Variants in DACT1 observed in about 807,000 individuals in gnomAD.
DACT1 encodes dapper homolog 1.
DACT1 carries 19 observed loss-of-function variants against 35.3 expected under a neutral mutation model. The observed-to-expected ratio is 0.54, with a 90% CI of 0.38 to 0.79. The LOEUF (loss-of-function observed/expected upper bound fraction) is 0.79. DACT1 is among the 30% of genes least tolerant of loss of function. The pLI is 0.00. For missense variants in DACT1, 1,143 were observed against 1,057.5 expected (o/e 1.08, Z -1.12); for synonymous variants, 545 against 466.7 (o/e 1.17, Z -2.16).
At chr14:58,639,615 T>A (rs2047608562) in intron 1 of DACT1, among the ~76,000 whole-genome samples, 1 of 152,244 alleles carries the variant, frequency 6.6e-6, no homozygotes, top group African/African-American at 2.4e-5. Flanking sequence ...ACCAAAGTGC[T>A]TTTACTTGAT....
chr14:58,641,570 C>A (rs748475527), intron 2 of DACT1, 22 bp from the exon 3 acceptor site: 2 of 1,606,022 alleles, frequency 1.2e-6, no homozygotes, highest in Admixed American at 3.4e-5. Context: ...GATGTTAATT[C>A]CAACGGTGTT....
chr14:58,636,183 G>T (rs1793411173), upstream of DACT1, among the ~76,000 whole-genome samples: 1 of 152,178 alleles, frequency 6.6e-6, no homozygotes, highest in African/African-American at 2.4e-5. Flanking sequence ...GTGGGAGGCA[G>T]CAATGGGGAG....
intron 1 of DACT1, chr14:58,638,839 G>A (rs1302499971): frequency 1.8e-6 from 2 of 1,128,426 alleles, no homozygotes; most frequent in Non-Finnish European, 2.2e-6. Flanking sequence ...GATTCTTGGA[G>A]TCGCCTAGTT....
At chr14:58,637,475 T>A (rs1042402380), upstream of DACT1, among the ~76,000 whole-genome samples, 1 of 152,196 alleles carries the variant, frequency 6.6e-6, no homozygotes, top group Non-Finnish European at 1.5e-5. Flanking sequence ...AATACCTTGC[T>A]TGGGAAGTGA....
In DACT1 at chr14:58,638,016, C is replaced by A; in HGVS notation, c.-187C>A. 2.2e-6 allele frequency: 1 copy of A among 462,310 alleles called. No homozygotes were observed. Among genetic ancestry groups the A allele is most frequent in the Non-Finnish European group, 3.2e-6 (1 of 308,508 alleles). The allele number at this position is 462,310 out of a possible 1,614,324, so 28.6% of individuals were successfully genotyped here. On this transcript the variant is annotated 5_prime_UTR_variant, in exon 1 of 4. Transcript: ENST00000395153. ...CGCGCGGCGACAGCGGACGGCGCTG[C>A]CCGGGCCGGGACAGCAGCAGCCGGC...
chr14:58,647,278 T>G lies in DACT1; in HGVS notation c.*144T>G. On this transcript the variant is annotated 3_prime_UTR_variant, in exon 4 of 4. Transcript: ENST00000395153. Reference sequence around the variant, plus strand: ...TATAAAACCAAGGTAAATTATTGTTTCATCTTCACGTATGGATGCTAGTGC... The same window carrying G: ...TATAAAACCAAGGTAAATTATTGTTGCATCTTCACGTATGGATGCTAGTGC... The G allele has an allele frequency of 1.0e-6, 1 of 984,200 alleles. No homozygotes were observed. Among genetic ancestry groups the G allele is most frequent in the East Asian group, 2.6e-5 (1 of 38,506 alleles). 61.0% of individuals were successfully genotyped at this position (984,200 alleles called of 1,614,324 possible). A position where few individuals can be genotyped will look rare whatever the true frequency, so the allele number is the denominator to read the frequency against.
chr14:58,639,579 C>G (rs966628380), intron 1 of DACT1, among the ~76,000 whole-genome samples: 24 of 151,484 alleles, frequency 1.6e-4, no homozygotes, highest in African/African-American at 3.6e-4. Flanking sequence ...TTTCTTTTCT[C>G]TGTGTGTGTG....
rs1233679652 is a variant in DACT1 at position 58,648,260 on chromosome 14, A to G, written c.*1126A>G. The stretch of plus-strand genomic sequence containing the variant: ...AATATAACATATGCAGTAATAAACC[A>G]TTTGTTTTACTGCTGTTAAGTTTGT... On this transcript the variant is annotated 3_prime_UTR_variant, in exon 4 of 4. Coordinates refer to ENST00000395153, the MANE Select transcript of DACT1 (RefSeq NM_001079520.2). 6.0e-6 allele frequency: 1 copy of G among 167,086 alleles called. No homozygotes were observed. The highest frequency in any genetic ancestry group is 2.4e-5 in the African/African-American group (1 of 41,452). The allele number at this position is 167,086 out of a possible 1,614,324, so 10.4% of individuals were successfully genotyped here.
At position 58,638,401 on chromosome 14, in the gene DACT1, C is replaced by T. The variant is rs2047594325; in HGVS notation, c.199C>T (p.Leu67=). Residue 67 remains leucine (L), a synonymous_variant, in exon 1 of 4, where the codon CTG becomes TTG. Transcript: ENST00000395153. ...GGAGTACCTGCGCCAGCGCCAAGAG[C>T]TGCTGGTCAGGGGCGCCCTGCGCGG... The part of the protein sequence containing the change: ...ELEYLRQRQE[L]LVRGALRGAG... 1.5e-6 allele frequency: 2 copies of T among 1,307,810 alleles called. No homozygotes were observed. Among genetic ancestry groups the T allele is most frequent in the Non-Finnish European group, 1.9e-6 (2 of 1,029,342 alleles). The allele number at this position is 1,307,810 out of a possible 1,614,324, so 81.0% of individuals were successfully genotyped here.
Position 58,646,089 on chromosome 14 carries a change from G to C in DACT1, c.1355G>C (p.Ser452Thr). Reference protein sequence around the residue: ...AQLSGASPKESPSRGPAPPQE... With the variant: ...AQLSGASPKETPSRGPAPPQE... ...CTCTCAGGGGCCTCTCCAAAAGAGA[G>C]TCCTAGCAGAGGCCCTGCCCCGCCG... Residue 452 changes from serine to threonine, a missense_variant, in exon 4 of 4, where the codon AGT (serine) becomes ACT (threonine). This residue lies in a region of DACT1 where 1,054 missense variants were observed against 958.8 expected (regional missense o/e 1.10). Transcript: ENST00000395153. 1 of 1,613,194 alleles carries C rather than the reference G, an allele frequency of 6.2e-7. No individual in the cohort carries two copies. Among genetic ancestry groups the C allele is most frequent in the Non-Finnish European group, 8.5e-7 (1 of 1,179,768 alleles).
intron 3 of DACT1, among the ~76,000 whole-genome samples, chr14:58,644,863 T>G (rs1395314224): frequency 6.6e-6 from 1 of 152,232 alleles, no homozygotes; most frequent in Non-Finnish European, 1.5e-5. Flanking sequence ...TTCTGATCAT[T>G]CTGAAATACT....
chr14:58,647,279 C>T lies in DACT1; in HGVS notation c.*145C>T, dbSNP rs2047702497. On this transcript the variant is annotated 3_prime_UTR_variant, in exon 4 of 4. Transcript: ENST00000395153. The stretch of plus-strand genomic sequence containing the variant: ...ATAAAACCAAGGTAAATTATTGTTT[C>T]ATCTTCACGTATGGATGCTAGTGCC... 4 of 959,550 alleles carry T rather than the reference C, an allele frequency of 4.2e-6. No individual in the cohort carries two copies. The South Asian group carries it at 5.2e-5, about 12-fold the overall frequency. The allele number at this position is 959,550 out of a possible 1,614,324, so 59.4% of individuals were successfully genotyped here.
intron 2 of DACT1, 78 bp downstream of exon 2, chr14:58,640,946 C>G (rs1271753175): frequency 6.7e-7 from 1 of 1,499,052 alleles, no homozygotes; most frequent in Non-Finnish European, 9.2e-7. Flanking sequence ...ATTCCCAGAC[C>G]TGCAAATGGC....
In DACT1 at chr14:58,645,979, G is replaced by A; in HGVS notation, c.1245G>A (p.Leu415=). The change falls in exon 4 of 4, where the codon CTG becomes CTA. Residue 415 remains leucine, a synonymous_variant. Coordinates refer to ENST00000395153, the MANE Select transcript of DACT1 (RefSeq NM_001079520.2). ...CCTCCGACCTTCAGAGTAAGCACCT[G>A]CCAAAAACGGCCAAGCCAGCCTCGC... is the stretch of plus-strand genomic sequence containing the variant. ...GAASDLQSKH[L]PKTAKPASQE... The A allele has an allele frequency of 6.2e-7, 1 of 1,613,686 alleles. No homozygotes were observed. Among genetic ancestry groups the A allele is most frequent in the Non-Finnish European group, 8.5e-7 (1 of 1,180,008 alleles).
chr14:58,637,753 G>C (rs2047584574), upstream of DACT1, among the ~76,000 whole-genome samples: 1 of 144,800 alleles, frequency 6.9e-6, no homozygotes, highest in African/African-American at 2.5e-5. Flanking sequence ...GGAGGCCCGC[G>C]AAGAGAGCGG....
At chr14:58,644,759 C>T (rs1336206451) in intron 3 of DACT1, among the ~76,000 whole-genome samples, 2 of 152,126 alleles carry the variant, frequency 1.3e-5, no homozygotes, top group Non-Finnish European at 2.9e-5. Context: ...GGGAGAGCAG[C>T]CTAGAGAAAC....
At chr14:58,636,297 A>G (rs1189992458), upstream of DACT1, among the ~76,000 whole-genome samples, 1 of 152,228 alleles carries the variant, frequency 6.6e-6, no homozygotes, top group Non-Finnish European at 1.5e-5. Flanking sequence ...TAAGTTTAAA[A>G]GTATGCTAAT....
At chr14:58,640,990 C>A in intron 2 of DACT1, 122 bp downstream of exon 2, 2 of 1,088,770 alleles carry the variant, frequency 1.8e-6, no homozygotes, top group Non-Finnish European at 2.6e-6. Context: ...AGAGGATAAA[C>A]AAAAAAGAAG....
rs1392791472 is a variant in DACT1 at position 58,648,110 on chromosome 14, T to A, written c.*976T>A. On this transcript the variant is annotated 3_prime_UTR_variant, in exon 4 of 4. Coordinates refer to ENST00000395153, the MANE Select transcript of DACT1 (RefSeq NM_001079520.2). ...TTTGGTAAACAGTATTGTGTAAAATTGCTTTTTGTATACCAATATATGCAT... is the reference window on the plus strand; with the variant it reads ...TTTGGTAAACAGTATTGTGTAAAATAGCTTTTTGTATACCAATATATGCAT... 1 of 167,084 alleles carries A rather than the reference T, an allele frequency of 6.0e-6. No homozygotes were observed. The highest frequency in any genetic ancestry group is 3.1e-3 in the Middle Eastern group (1 of 318). 10.4% of individuals were successfully genotyped at this position (167,084 alleles called of 1,614,324 possible).
Sources: allele counts gnomAD v4.1 joint callset (sites outside exome capture counted in the v4.1 genomes callset), GRCh38; gene constraint gnomAD v4.1.1; regional missense constraint gnomAD v4.1.1; transcripts MANE v1.5; gene names NCBI Gene and HGNC (gene_info 2026-07-23, HGNC 2026-07-21).